Variants in VAV2 observed in about 807,000 individuals in gnomAD.
The protein encoded by VAV2 is guanine nucleotide exchange factor VAV2.
In VAV2, 67 loss-of-function variants were observed where a neutral mutation model predicts 132.5. The observed-to-expected ratio is 0.51, with a 90% confidence interval of 0.42 to 0.62. The LOEUF is 0.62. Ranked by LOEUF, VAV2 falls within the 20% of genes least tolerant of loss-of-function variation. The pLI is 0.00. For missense variants in VAV2, 938 were observed against 1,153.6 expected (o/e 0.81, Z 2.71); for synonymous variants, 492 against 443.5 (o/e 1.11, Z -1.37).
At position 133,899,262 on chromosome 9, in the gene VAV2, C is replaced by G. The variant is rs2519784; in HGVS notation, c.322-37830G>C. ...ACGACCTGAGGAGACCCATGGGGAG[C>G]TGGGACTCCTCAGGCCGGGTGCAGT... is the stretch of plus-strand genomic sequence containing the variant. On this transcript the variant is annotated intron_variant, in intron 2 of 29. Transcript: ENST00000371850. Among the ~76,000 whole-genome samples the G allele has an allele frequency of 4.4e-4, 67 of 151,408 alleles. No homozygotes were observed. The Middle Eastern group carries it at 0.01, about 23-fold the overall frequency.
Position 133,794,630 on chromosome 9 carries a change from C to T in VAV2, c.1101+1038G>A. Among the ~76,000 whole-genome samples the T allele has an allele frequency of 6.6e-6, 1 of 152,198 alleles. No individual in the cohort carries two copies. The highest frequency in any genetic ancestry group is 1.5e-5 in the Non-Finnish European group (1 of 68,018). On this transcript the variant is annotated intron_variant, in intron 12 of 29. Coordinates refer to ENST00000371850, the MANE Select transcript of VAV2 (RefSeq NM_001134398.2). The surrounding 1 kb of genome is among the most constrained non-coding windows in gnomAD (Gnocchi z 4.6). Reference sequence around the variant, plus strand: ...GGGGGGCTGCCCAGAGGGCAGGGGCCAGGTGTCAGAGGGCAGGACTGCAGC... The same window carrying T: ...GGGGGGCTGCCCAGAGGGCAGGGGCTAGGTGTCAGAGGGCAGGACTGCAGC...
In VAV2 at chr9:133,873,776, T is replaced by A. The variant is rs145640681; in HGVS notation, c.322-12344A>T. On this transcript the variant is annotated intron_variant, in intron 2 of 29. Transcript: ENST00000371850. ...TGGAAGCAGCTTAGCAGCCATCTGGTCCAAATTCTCCAATTTTGAGATGGG... is the reference window on the plus strand; with the variant it reads ...TGGAAGCAGCTTAGCAGCCATCTGGACCAAATTCTCCAATTTTGAGATGGG... Among the ~76,000 whole-genome samples the A allele has an allele frequency of 5.6e-3, 853 of 152,248 alleles. 8 individuals carry two copies. The highest frequency in any genetic ancestry group is 0.019 in the African/African-American group (794 of 41,550).
intron 9 of VAV2, among the ~76,000 whole-genome samples, chr9:133,799,861 C>T (rs1588192655): frequency 6.6e-6 from 1 of 152,152 alleles, no homozygotes; most frequent in African/African-American, 2.4e-5. Context: ...AAGAGACCAC[C>T]GGACAGCCCG....
At chr9:133,925,080 T>C (rs1840426204) in intron 2 of VAV2, among the ~76,000 whole-genome samples, 1 of 152,200 alleles carries the variant, frequency 6.6e-6, no homozygotes, top group Non-Finnish European at 1.5e-5. Context: ...CAAGAGGAAA[T>C]GGGATTTTGT....
At chr9:133,941,608 TGGGGG>T (rs56802789) in intron 1 of VAV2, among the ~76,000 whole-genome samples, 99,232 of 135,832 alleles carry the variant, frequency 0.73, 35,601 homozygotes, top group East Asian at 0.83. Flanking sequence ...CACTTTTTTT[TGGGGG>T]GGGGGGGGGA....
chr9:133,787,045 T>C (rs1432236150), intron 16 of VAV2, among the ~76,000 whole-genome samples: 2 of 152,184 alleles, frequency 1.3e-5, no homozygotes, highest in African/African-American at 2.4e-5. Flanking sequence ...GGAGTTTTCC[T>C]TTCACACTGT....
rs1256918027 is a variant in VAV2, at chr9:133,783,507, C to G, written c.1719G>C (p.Lys573Asn). Residue 573 changes from lysine to asparagine, a missense_variant, in exon 19 of 30, where the codon AAG (lysine) becomes AAC (asparagine). Physicochemically the swap from Lys to Asn is moderately conservative, Grantham distance 94 (BLOSUM62 0). Coordinates refer to ENST00000371850, the MANE Select transcript of VAV2 (RefSeq NM_001134398.2). ...KECLEVIPPC[K>N]FTSPADLDAS... ...GGGGGTGAGGGGGGTACTCACTGAA[C>G]TTGCAGGGAGGTATCACTTCCAGGC... The G allele has an allele frequency of 1.2e-6, 2 of 1,613,496 alleles. No individual in the cohort carries two copies. Among genetic ancestry groups the G allele is most frequent in the Non-Finnish European group, 1.7e-6 (2 of 1,179,804 alleles).
chr9:133,786,659 C>T (rs1468127), intron 16 of VAV2, among the ~76,000 whole-genome samples: 85,690 of 152,170 alleles, frequency 0.56, 24,243 homozygotes, highest in Middle Eastern at 0.59. Context: ...TGGGGCACCC[C>T]CCGTGAAGCC....
At chr9:133,854,363 G>A (rs926628380) in intron 3 of VAV2, among the ~76,000 whole-genome samples, 2 of 152,124 alleles carry the variant, frequency 1.3e-5, no homozygotes, top group Non-Finnish European at 2.9e-5. Flanking sequence ...CCATACACAC[G>A]CACCATCTAA....
At position 133,794,023 on chromosome 9, in the gene VAV2, G is replaced by A. The variant is rs565666280; in HGVS notation, c.1101+1645C>T. Among the ~76,000 whole-genome samples the A allele has an allele frequency of 6.6e-6, 1 of 150,894 alleles. No individual in the cohort carries two copies. Among genetic ancestry groups the A allele is most frequent in the South Asian group, 2.1e-4 (1 of 4,748 alleles). On this transcript the variant is annotated intron_variant, in intron 12 of 29. Coordinates refer to ENST00000371850, the MANE Select transcript of VAV2 (RefSeq NM_001134398.2). The surrounding 1 kb of genome is among the most constrained non-coding windows in gnomAD (Gnocchi z 4.6). ...CGCAAGTCACCGAGTACTTTGTGCAGCACCGTGAGCTACACTCCTGGGAAA... is the reference window on the plus strand; with the variant it reads ...CGCAAGTCACCGAGTACTTTGTGCAACACCGTGAGCTACACTCCTGGGAAA...
At position 133,794,923 on chromosome 9, in the gene VAV2, C is replaced by T. The variant is rs1420658978; in HGVS notation, c.1101+745G>A. Among the ~76,000 whole-genome samples, 6 of 152,206 alleles carry T rather than the reference C, an allele frequency of 3.9e-5. No individual in the cohort carries two copies. The highest frequency in any genetic ancestry group is 1.3e-4 in the Admixed American group (2 of 15,284). On this transcript the variant is annotated intron_variant, in intron 12 of 29. Coordinates refer to ENST00000371850, the MANE Select transcript of VAV2 (RefSeq NM_001134398.2). The surrounding 1 kb of genome is among the most constrained non-coding windows in gnomAD (Gnocchi z 4.6). ...GTGGGGGGCGATCCTCCCTGGAAAACGTTCTGTCCACAGTGAAGGCAGGAT... is the reference window on the plus strand; with the variant it reads ...GTGGGGGGCGATCCTCCCTGGAAAATGTTCTGTCCACAGTGAAGGCAGGAT...
At chr9:133,932,174 G>C (rs1170728289) in intron 2 of VAV2, among the ~76,000 whole-genome samples, 2 of 152,220 alleles carry the variant, frequency 1.3e-5, no homozygotes, top group Middle Eastern at 3.2e-3. Context: ...CCTGGAAGAA[G>C]CCGCCAGAGC....
At chr9:133,836,740 T>C (rs1329452027) in intron 3 of VAV2, among the ~76,000 whole-genome samples, 3 of 152,202 alleles carry the variant, frequency 2.0e-5, no homozygotes, top group Non-Finnish European at 1.5e-5. Context: ...AGGACGGCCA[T>C]TCGGGGACTG....
chr9:133,827,203 ATGGG>A (rs1564383949), intron 4 of VAV2, among the ~76,000 whole-genome samples: 6,446 of 141,760 alleles, frequency 0.045, 1,927 homozygotes, highest in Admixed American at 0.076. Context: ...ACCACTGAGC[ATGGG>A]CATCGCCAGC....
chr9:133,797,282 C>T lies in VAV2; in HGVS notation c.936+428G>A, dbSNP rs540953404. 2.7e-5 allele frequency among the ~76,000 whole-genome samples: 4 copies of T among 148,766 alleles called. No individual in the cohort carries two copies. The East Asian group carries it at 7.9e-4, about 29-fold the overall frequency. On this transcript the variant is annotated intron_variant, in intron 10 of 29. Transcript: ENST00000371850. Reference sequence around the variant, plus strand: ...GTTACCCGGGACTCCCTGGGGTCAGCGGAGGCCAGGATCAGGGGTCAGTCA... The same window carrying T: ...GTTACCCGGGACTCCCTGGGGTCAGTGGAGGCCAGGATCAGGGGTCAGTCA...
chr9:133,831,162 A>G (rs144914183), intron 4 of VAV2, among the ~76,000 whole-genome samples: 4,679 of 152,280 alleles, frequency 0.031, 237 homozygotes, highest in African/African-American at 0.11. Context: ...CTGGCCGGGC[A>G]CGGTGGCTCA....
intron 1 of VAV2, among the ~76,000 whole-genome samples, chr9:133,942,812 C>T (rs1841219978): frequency 1.3e-5 from 2 of 152,180 alleles, no homozygotes; most frequent in South Asian, 2.1e-4. Flanking sequence ...CCTGGTGCAG[C>T]TCTGGGCCCA....
intron 4 of VAV2, among the ~76,000 whole-genome samples, chr9:133,825,587 C>A (rs146444248): frequency 6.6e-6 from 1 of 152,212 alleles, no homozygotes; most frequent in Non-Finnish European, 1.5e-5. Flanking sequence ...TCCTCCACAA[C>A]GCGGACCTCC....
intron 2 of VAV2, among the ~76,000 whole-genome samples, chr9:133,893,851 C>T (rs1839084841): frequency 6.6e-6 from 1 of 151,462 alleles, no homozygotes; most frequent in Admixed American, 6.5e-5. Flanking sequence ...CACACAGCAG[C>T]GGCGAGAGTC....
Sources: gnomAD v4.1 joint callset for allele counts (sites outside exome capture counted in the v4.1 genomes callset) on GRCh38, gnomAD v4.1.1 for gene constraint, Gnocchi (gnomAD v3.1) non-coding constraint, MANE v1.5 for transcripts, NCBI Gene and HGNC (gene_info 2026-07-23, HGNC 2026-07-21) for gene names.